Variants in NEBL observed in about 807,000 individuals in gnomAD.
The protein encoded by NEBL is nebulette.
Under a neutral mutation model 140.2 loss-of-function variants are expected in NEBL, and 122 were observed. That is an observed-to-expected ratio of 0.87 (90% CI 0.75 to 1.01). The LOEUF (loss-of-function observed/expected upper bound fraction) is 1.01, where lower values mean the gene tolerates loss of function less well. Ranked by LOEUF, NEBL falls within the 50% of genes least tolerant of loss-of-function variation. The pLI, the probability that NEBL is intolerant of heterozygous loss-of-function variation, is 0.00. For missense variants in NEBL, 1,365 were observed against 1,231.3 expected (o/e 1.11, Z -1.62); for synonymous variants, 436 against 398.9 (o/e 1.09, Z -1.11).
rs1305365897 is a variant in NEBL, at chr10:20,783,935, G to C, written c.*1812C>G. On this transcript the variant is annotated 3_prime_UTR_variant, in exon 28 of 28. Transcript: ENST00000377122. ...CATTTATTTTTTCAACTTTATGTCA[G>C]TGACATATAGATGCAGCTTCAGTGT... 6.6e-6 allele frequency: 1 copy of C among 152,394 alleles called. No individual in the cohort carries two copies. Among genetic ancestry groups the C allele is most frequent in the Non-Finnish European group, 1.5e-5 (1 of 68,018 alleles). The allele number at this position is 152,394 out of a possible 1,614,324, so 9.4% of individuals were successfully genotyped here. A position where few individuals can be genotyped will look rare whatever the true frequency, so the allele number is the denominator to read the frequency against.
chr10:20,849,420 T>A (rs1842289388), intron 11 of NEBL, among the ~76,000 whole-genome samples: 1 of 152,140 alleles, frequency 6.6e-6, no homozygotes, highest in Admixed American at 6.5e-5. Flanking sequence ...GAAAACTTCA[T>A]CCCCAACGCA....
chr10:21,011,106 C>G (rs11012482), intron 3 of NEBL, among the ~76,000 whole-genome samples: 1,744 of 152,154 alleles, frequency 0.011, 38 homozygotes, highest in African/African-American at 0.04. Context: ...CATTTTTGTA[C>G]TAAAATCAGA....
chr10:21,174,044 A>G (rs1212354086), exon 1 of NEBL: 22 of 1,129,284 alleles, frequency 1.9e-5, no homozygotes, highest in Non-Finnish European at 2.3e-5. Context: ...TCGGGCTCGC[A>G]GGCGCTGGGT....
chr10:21,284,761 C>T (rs940790305), intron 1 of NEBL, among the ~76,000 whole-genome samples: 7 of 152,120 alleles, frequency 4.6e-5, no homozygotes, highest in African/African-American at 1.4e-4. Flanking sequence ...ACAGCTTCCT[C>T]AAAGCTGGAC....
At chr10:21,253,188 T>C (rs1842608995) in intron 1 of NEBL, among the ~76,000 whole-genome samples, 1 of 152,142 alleles carries the variant, frequency 6.6e-6, no homozygotes, top group Non-Finnish European at 1.5e-5. Context: ...AGAGAATCGC[T>C]TGAACGAGGG....
At chr10:21,202,376 GTTCT>G (rs1216480772) in intron 3 of NEBL, among the ~76,000 whole-genome samples, 3 of 151,056 alleles carry the variant, frequency 2.0e-5, no homozygotes, top group African/African-American at 7.3e-5. Flanking sequence ...ACTCACCTGC[GTTCT>G]AGAAATACAC....
intron 1 of NEBL, among the ~76,000 whole-genome samples, chr10:21,255,056 T>G (rs752958418): frequency 6.6e-6 from 1 of 152,060 alleles, no homozygotes; most frequent in South Asian, 2.1e-4. Context: ...TATCAGACTC[T>G]GCTCCCTGCA....
chr10:21,223,807 A>G lies in NEBL; in HGVS notation n.348+24114T>C, dbSNP rs118157716. ...GATCAATGATGTTGAGCACCTTTTCATTTATCTGTTTGCTCTTTGTATGTC... is the reference window on the plus strand; with the variant it reads ...GATCAATGATGTTGAGCACCTTTTCGTTTATCTGTTTGCTCTTTGTATGTC... On this transcript the variant is annotated intron_variant and non_coding_transcript_variant, in intron 3 of 8. Transcript: ENST00000675702. Among the ~76,000 whole-genome samples the G allele has an allele frequency of 6.6e-4, 100 of 152,112 alleles. 1 individual carries two copies. Among genetic ancestry groups the G allele is most frequent in the Admixed American group, 1.2e-3 (18 of 15,278 alleles).
rs1411948718 is a variant in NEBL, at chr10:20,782,356, G to A, written c.*3391C>T. On this transcript the variant is annotated 3_prime_UTR_variant, in exon 28 of 28. Coordinates refer to ENST00000377122, the MANE Select transcript of NEBL (RefSeq NM_006393.3). Reference sequence around the variant, plus strand: ...ATATCTTTTATCCACTTTCTATAGGGATGTGTTATTAAAGATCACACACAT... The same window carrying A: ...ATATCTTTTATCCACTTTCTATAGGAATGTGTTATTAAAGATCACACACAT... 6.6e-6 allele frequency: 1 copy of A among 152,482 alleles called. No homozygotes were observed. The highest frequency in any genetic ancestry group is 2.1e-4 in the South Asian group (1 of 4,816). 9.4% of individuals were successfully genotyped at this position (152,482 alleles called of 1,614,324 possible). A position where few individuals can be genotyped will look rare whatever the true frequency, so the allele number is the denominator to read the frequency against.
intron 4 of NEBL, among the ~76,000 whole-genome samples, chr10:20,887,296 G>A (rs1846612254): frequency 1.3e-5 from 2 of 152,098 alleles, no homozygotes; most frequent in South Asian, 4.1e-4. Context: ...CCACCTGATG[G>A]GGGCTATTTT....
intron 1 of NEBL, among the ~76,000 whole-genome samples, chr10:21,286,492 T>C (rs1366944295): frequency 2.0e-5 from 3 of 152,210 alleles, no homozygotes; most frequent in East Asian, 1.9e-4. Context: ...CACCGTGAGG[T>C]TGACATGCCT....
chr10:20,817,444 A>G (rs1012151198), intron 21 of NEBL, among the ~76,000 whole-genome samples, 156 bp downstream of exon 21: 1 of 152,220 alleles, frequency 6.6e-6, no homozygotes, highest in African/African-American at 2.4e-5. Context: ...TGTACCCACA[A>G]TACCAAAGTC....
intron 2 of NEBL, among the ~76,000 whole-genome samples, chr10:21,135,004 T>C (rs1337031577): frequency 3.3e-5 from 5 of 152,238 alleles, no homozygotes; most frequent in Non-Finnish European, 5.9e-5. Context: ...AGCTCGATTA[T>C]TCACCCGCTC....
At chr10:20,840,164 T>C (rs780128270) in intron 13 of NEBL, among the ~76,000 whole-genome samples, 3 of 152,138 alleles carry the variant, frequency 2.0e-5, no homozygotes, top group Non-Finnish European at 4.4e-5. Context: ...TTAAGCTCTT[T>C]CACTGCTAAA....
chr10:20,972,498 A>G (rs1589093930), intron 3 of NEBL, among the ~76,000 whole-genome samples: 1 of 152,318 alleles, frequency 6.6e-6, no homozygotes, highest in Non-Finnish European at 1.5e-5. Context: ...TAATCCCAGC[A>G]CTTTGGAAGG....
At chr10:21,172,532 G>T in intron 1 of NEBL, 1 of 1,360,878 alleles carries the variant, frequency 7.3e-7, no homozygotes, top group Non-Finnish European at 1.0e-6. Flanking sequence ...TTCTCACCAG[G>T]ATGGGCACAG....
intron 16 of NEBL, among the ~76,000 whole-genome samples, chr10:20,828,887 T>C (rs1840137707): frequency 6.6e-6 from 1 of 152,148 alleles, no homozygotes; most frequent in Non-Finnish European, 1.5e-5. Context: ...ATAGATTTGA[T>C]TAAGGGAAAG....
chr10:20,924,757 C>T (rs1207468837), intron 4 of NEBL, among the ~76,000 whole-genome samples: 2 of 152,188 alleles, frequency 1.3e-5, no homozygotes, highest in Non-Finnish European at 2.9e-5. Context: ...CTCTGGAACA[C>T]TGTAGAGCTT....
At chr10:20,801,056 A>G (rs1463461475) in intron 26 of NEBL, among the ~76,000 whole-genome samples, 1 of 152,134 alleles carries the variant, frequency 6.6e-6, no homozygotes, top group Non-Finnish European at 1.5e-5. Context: ...TCTTCAGCTC[A>G]TCTAGACACA....
Sources: gnomAD v4.1 joint callset for allele counts (sites outside exome capture counted in the v4.1 genomes callset) on GRCh38, gnomAD v4.1.1 for gene constraint, MANE v1.5 for transcripts, NCBI Gene and HGNC (gene_info 2026-07-23, HGNC 2026-07-21) for gene names.